Variants in POLQ observed in about 807,000 individuals in gnomAD.
POLQ encodes epididymis secretory sperm binding protein.
In POLQ, 233 loss-of-function variants were observed where a neutral mutation model predicts 259.2. The ratio of observed to expected loss-of-function variants is 0.90; its 90% CI spans 0.81 to 1.00. POLQ has a LOEUF of 1.00. POLQ is among the 50% of genes least tolerant of loss of function. The probability of loss-of-function intolerance (pLI) is 0.00; values close to 1 mark genes in which losing one functional copy is unlikely to be tolerated. For missense variants in POLQ, 2,871 were observed against 3,051.6 expected (o/e 0.94, Z 1.39); for synonymous variants, 1,025 against 1,048.8 (o/e 0.98, Z 0.44).
At chr3:121,481,956 G>C in intron 18 of POLQ, 144 bp from the exon 19 acceptor site, 2 of 736,310 alleles carry the variant, frequency 2.7e-6, no homozygotes, top group Non-Finnish European at 4.3e-6. Flanking sequence ...TCCCAGGAAA[G>C]AAGGAAAGAA....
At chr3:121,512,187 GA>G (rs1434388040) in intron 9 of POLQ, among the ~76,000 whole-genome samples, 158 bp from the exon 10 acceptor site, 4 of 152,336 alleles carry the variant, frequency 2.6e-5, no homozygotes, top group Non-Finnish European at 4.4e-5. Flanking sequence ...ACTTTGGACA[GA>G]AGGGGATCAG....
chr3:121,494,826 A>G lies in POLQ; in HGVS notation c.2279-1105T>C, dbSNP rs563986888. 3.6e-5 allele frequency: 57 copies of G among 1,565,240 alleles called. No individual in the cohort carries two copies. In the African/African-American group the frequency reaches 7.3e-4, roughly 20 times the overall value. On this transcript the variant is annotated intron_variant, in intron 14 of 29. Coordinates refer to ENST00000264233, the MANE Select transcript of POLQ (RefSeq NM_199420.4). ...GAGACCCACCGTCACTGGGGCGGCA[A>G]CGTCCTGGGTCCTAAGTCTGTGGCT...
intron 5 of POLQ, among the ~76,000 whole-genome samples, chr3:121,535,943 A>G (rs2048447238): frequency 6.6e-6 from 1 of 152,112 alleles, no homozygotes; most frequent in South Asian, 2.1e-4. Flanking sequence ...CCACCTATCT[A>G]GATTGGAACA....
intron 9 of POLQ, among the ~76,000 whole-genome samples, chr3:121,516,556 T>C (rs1191529415): frequency 2.6e-5 from 4 of 152,190 alleles, no homozygotes; most frequent in Non-Finnish European, 4.4e-5. Flanking sequence ...GGAGGACTCA[T>C]CCACATCACA....
intron 12 of POLQ, among the ~76,000 whole-genome samples, chr3:121,509,317 T>C (rs2048233680): frequency 6.6e-6 from 1 of 152,204 alleles, no homozygotes; most frequent in South Asian, 2.1e-4. Flanking sequence ...AATATATATT[T>C]TTTATAAAAC....
At chr3:121,466,888 A>G (rs1236401654) in intron 24 of POLQ, among the ~76,000 whole-genome samples, 1 of 152,196 alleles carries the variant, frequency 6.6e-6, no homozygotes, top group African/African-American at 2.4e-5. Flanking sequence ...CAGATGGTTA[A>G]TTGTACTCAC....
intron 26 of POLQ, among the ~76,000 whole-genome samples, chr3:121,446,352 A>G (rs2047632514): frequency 6.6e-6 from 1 of 152,216 alleles, no homozygotes; most frequent in South Asian, 2.1e-4. Flanking sequence ...TATCTAACAT[A>G]TAGTCTATCC....
chr3:121,479,531 C>T (rs879495439), intron 19 of POLQ, among the ~76,000 whole-genome samples: 1 of 152,134 alleles, frequency 6.6e-6, no homozygotes, highest in Non-Finnish European at 1.5e-5. Flanking sequence ...GGCAGAATCT[C>T]TGCTCACTGC....
chr3:121,497,789 A>G (rs187741279), intron 13 of POLQ, among the ~76,000 whole-genome samples: 1 of 152,284 alleles, frequency 6.6e-6, no homozygotes, highest in Admixed American at 6.5e-5. Flanking sequence ...TTTCCACCTG[A>G]ATCTTTTAAT....
Position 121,432,252 on chromosome 3 carries a change from A to G in POLQ, c.*52T>C. 6.6e-7 allele frequency: 1 copy of G among 1,525,046 alleles called. No homozygotes were observed. The highest frequency in any genetic ancestry group is 8.8e-7 in the Non-Finnish European group (1 of 1,137,524). The allele number at this position is 1,525,046 out of a possible 1,614,324, so 94.5% of individuals were successfully genotyped here. On this transcript the variant is annotated 3_prime_UTR_variant, in exon 30 of 30. Coordinates refer to ENST00000264233, the MANE Select transcript of POLQ (RefSeq NM_199420.4). ...TGAAAGGGTAATCTCTGTTCTTTCC[A>G]GGTGACTGCATCTGCACAGGCTTCC...
chr3:121,486,351 C>A (rs2048010438), intron 16 of POLQ, among the ~76,000 whole-genome samples: 1 of 151,140 alleles, frequency 6.6e-6, no homozygotes, highest in Non-Finnish European at 1.5e-5. Flanking sequence ...GGGATTGAGA[C>A]CATCCTGGCT....
At chr3:121,511,136 G>A (rs1379877840) in intron 10 of POLQ, among the ~76,000 whole-genome samples, 1 of 148,624 alleles carries the variant, frequency 6.7e-6, no homozygotes, top group Non-Finnish European at 1.5e-5. Flanking sequence ...TGAGGCAGGA[G>A]AATGGTGTGA....
At chr3:121,453,007 C>A (rs2047693348) in intron 25 of POLQ, among the ~76,000 whole-genome samples, 1 of 152,198 alleles carries the variant, frequency 6.6e-6, no homozygotes, top group Non-Finnish European at 1.5e-5. Context: ...GGCAGACTGA[C>A]ACCTCACACG....
chr3:121,481,545 T>C (rs1473625848), intron 19 of POLQ, 27 bp downstream of exon 19: 2 of 1,561,774 alleles, frequency 1.3e-6, no homozygotes, highest in East Asian at 2.3e-5. Flanking sequence ...ATCTATAACA[T>C]AAAAATGCCA....
intron 12 of POLQ, among the ~76,000 whole-genome samples, chr3:121,508,706 A>G (rs576903230): frequency 6.6e-6 from 1 of 152,328 alleles, no homozygotes; most frequent in South Asian, 2.1e-4. Flanking sequence ...GGTACTGTCT[A>G]GACATTTCCC....
intron 22 of POLQ, among the ~76,000 whole-genome samples, chr3:121,470,911 A>G (rs1487974979): frequency 6.6e-6 from 1 of 152,210 alleles, no homozygotes. Context: ...CTGGGATTAC[A>G]GGCGGCAGCC....
At chr3:121,486,893 C>G (rs200433131) in intron 16 of POLQ, among the ~76,000 whole-genome samples, 2 of 140,480 alleles carry the variant, frequency 1.4e-5, no homozygotes, top group African/African-American at 5.3e-5. Context: ...GAAAGAGAGA[C>G]AGAGAGAGAG....
At chr3:121,480,722 C>T (rs939195350) in intron 19 of POLQ, among the ~76,000 whole-genome samples, 2 of 152,150 alleles carry the variant, frequency 1.3e-5, no homozygotes, top group African/African-American at 4.8e-5. Flanking sequence ...ATAATAAGCA[C>T]CTGCTCTGTG....
chr3:121,475,098 T>C (rs1188357809), intron 20 of POLQ, among the ~76,000 whole-genome samples: 3 of 152,310 alleles, frequency 2.0e-5, no homozygotes, highest in South Asian at 2.1e-4. Context: ...GTACAATAAA[T>C]ATTAGAATCG....
Sources: allele counts gnomAD v4.1 joint callset (sites outside exome capture counted in the v4.1 genomes callset), GRCh38; gene constraint gnomAD v4.1.1; transcripts MANE v1.5; gene names NCBI Gene and HGNC (gene_info 2026-07-23, HGNC 2026-07-21).